Variants in NBEA observed in about 807,000 individuals in gnomAD.
NBEA encodes neurobeachin.
Under a neutral mutation model 343.4 loss-of-function variants are expected in NBEA, and 44 were observed. The ratio of observed to expected loss-of-function variants is 0.13; its 90% confidence interval spans 0.10 to 0.16. The LOEUF (loss-of-function observed/expected upper bound fraction) is 0.16. Among genes scored for constraint, NBEA ranks in the 10% least tolerant of loss-of-function variants. The probability of loss-of-function intolerance (pLI) is 1.00; values close to 1 mark genes in which losing one functional copy is unlikely to be tolerated. For missense variants in NBEA, 2,555 were observed against 3,631.3 expected, an observed-to-expected ratio of 0.70 and a Z score of 7.62; for synonymous variants, 1,175 against 1,238.7, an observed-to-expected ratio of 0.95 and a Z score of 1.08.
chr13:35,276,812 T>C (rs1167141100), intron 34 of NBEA, among the ~76,000 whole-genome samples: 2 of 152,238 alleles, frequency 1.3e-5, no homozygotes, highest in African/African-American at 4.8e-5. Context: ...GTTTATTTAG[T>C]AGCTGATGGC....
intron 39 of NBEA, among the ~76,000 whole-genome samples, chr13:35,445,986 G>A (rs1380699818): frequency 2.0e-5 from 3 of 150,554 alleles, no homozygotes; most frequent in African/African-American, 7.3e-5. Context: ...CCCACAACAG[G>A]CCCCAGTGTG....
intron 10 of NBEA, among the ~76,000 whole-genome samples, chr13:35,073,533 A>G (rs531360472): frequency 2.6e-5 from 4 of 152,322 alleles, no homozygotes; most frequent in African/African-American, 7.2e-5. Flanking sequence ...TCTACTAAGT[A>G]GTACCTTTTA....
intron 10 of NBEA, among the ~76,000 whole-genome samples, chr13:35,079,401 A>C (rs910206036): frequency 6.6e-6 from 1 of 152,210 alleles, no homozygotes; most frequent in Non-Finnish European, 1.5e-5. Flanking sequence ...AACTGTTAAT[A>C]TAAAGTAACA....
At chr13:35,569,704 ACT>A in intron 45 of NBEA, among the ~76,000 whole-genome samples, 1 of 152,102 alleles carries the variant, frequency 6.6e-6, no homozygotes, top group East Asian at 1.9e-4. Flanking sequence ...CAAAATGAAA[ACT>A]CAGATAGTTA....
chr13:35,125,851 TAC>T (rs763214851), intron 17 of NBEA, among the ~76,000 whole-genome samples: 11 of 151,992 alleles, frequency 7.2e-5, no homozygotes, highest in Non-Finnish European at 1.6e-4. Context: ...CATACATACA[TAC>T]ATACATAGCT....
chr13:35,526,898 C>T (rs968800314), intron 41 of NBEA, among the ~76,000 whole-genome samples: 3 of 152,034 alleles, frequency 2.0e-5, no homozygotes, highest in African/African-American at 7.2e-5. Flanking sequence ...TGATGGGCAC[C>T]GGGAAATGCA....
intron 33 of NBEA, among the ~76,000 whole-genome samples, chr13:35,229,212 G>A (rs1443690823): frequency 3.3e-5 from 5 of 151,808 alleles, no homozygotes; most frequent in Non-Finnish European, 7.4e-5. Context: ...TTAATTTTTT[G>A]GTAGAGACAG....
intron 36 of NBEA, among the ~76,000 whole-genome samples, chr13:35,341,901 A>G (rs2039606375): frequency 6.6e-6 from 1 of 152,096 alleles, no homozygotes; most frequent in Admixed American, 6.6e-5. Flanking sequence ...TTGAAAACAT[A>G]TGTTCACAAA....
intron 10 of NBEA, among the ~76,000 whole-genome samples, chr13:35,083,830 C>T (rs1041690348): frequency 1.1e-4 from 16 of 151,970 alleles, no homozygotes; most frequent in Non-Finnish European, 2.1e-4. Flanking sequence ...TTCAGGAAAC[C>T]CATCTCATGT....
chr13:35,476,641 G>A lies in NBEA; in HGVS notation c.6585+4105G>A, dbSNP rs1006867182. The A allele has an allele frequency of 5.9e-6, 3 of 507,172 alleles. No individual in the cohort carries two copies. In the South Asian group the frequency reaches 7.5e-5, roughly 13 times the overall value. The allele number at this position is 507,172 out of a possible 1,614,324, so 31.4% of individuals were successfully genotyped here. The stretch of plus-strand genomic sequence containing the variant: ...AAAAGTGTGCTGAGTGTGTGTCCGG[G>A]GTGAGTGTGCGTGTGTATATGTCAG... On this transcript the variant is annotated intron_variant, in intron 41 of 58. Transcript: ENST00000379939.
intron 34 of NBEA, among the ~76,000 whole-genome samples, chr13:35,271,013 A>G (rs1265901169): frequency 6.6e-6 from 1 of 152,186 alleles, no homozygotes; most frequent in African/African-American, 2.4e-5. Flanking sequence ...CCAGCATGGC[A>G]TTTGAGCTCC....
intron 1 of NBEA, among the ~76,000 whole-genome samples, chr13:35,034,256 T>G (rs766389105): frequency 6.6e-6 from 1 of 152,000 alleles, no homozygotes; most frequent in Non-Finnish European, 1.5e-5. Context: ...TTCTTTAACA[T>G]CAGTTGAAAT....
chr13:35,409,458 T>C (rs1050107852), intron 38 of NBEA, among the ~76,000 whole-genome samples: 1 of 152,076 alleles, frequency 6.6e-6, no homozygotes. Context: ...AGTTTACCTA[T>C]GTAACAAACC....
rs115034509 is a variant in NBEA, at chr13:34,944,333, A to G, written c.294+1219A>G. ...GGAAAACTGAGAGAAAGCTGCAGCT[A>G]CATCAGTGGTGTCCTGAGACATGCA... is the stretch of plus-strand genomic sequence containing the variant. On this transcript the variant is annotated intron_variant, in intron 1 of 58. Transcript: ENST00000379939. Among the ~76,000 whole-genome samples, 767 of 152,354 alleles carry G rather than the reference A, an allele frequency of 5.0e-3. 8 individuals carry two copies. The highest frequency in any genetic ancestry group is 0.017 in the African/African-American group (724 of 41,592).
At chr13:35,171,891 T>C (rs2070489140) in intron 26 of NBEA, among the ~76,000 whole-genome samples, 1 of 152,046 alleles carries the variant, frequency 6.6e-6, no homozygotes, top group Non-Finnish European at 1.5e-5. Context: ...TTTCTTGGGG[T>C]GAACAAATGT....
At chr13:35,439,918 T>C (rs916505206) in intron 39 of NBEA, among the ~76,000 whole-genome samples, 2 of 152,206 alleles carry the variant, frequency 1.3e-5, no homozygotes, top group African/African-American at 4.8e-5. Flanking sequence ...TCACTCTTGT[T>C]GCCCAGGCTG....
chr13:35,226,524 A>C (rs879364376), intron 33 of NBEA, among the ~76,000 whole-genome samples: 2 of 152,110 alleles, frequency 1.3e-5, no homozygotes, highest in Non-Finnish European at 2.9e-5. Flanking sequence ...TTTCCTGTCA[A>C]ATATTTAAGA....
chr13:35,207,638 A>G (rs926716843), intron 31 of NBEA, among the ~76,000 whole-genome samples: 1 of 152,158 alleles, frequency 6.6e-6, no homozygotes, highest in Admixed American at 6.5e-5. Context: ...TAACCTTAAC[A>G]CAATGTCAAA....
intron 46 of NBEA, among the ~76,000 whole-genome samples, chr13:35,588,696 A>G (rs928980053): frequency 6.6e-6 from 1 of 152,160 alleles, no homozygotes; most frequent in African/African-American, 2.4e-5. Context: ...TTCTTCAGAT[A>G]TTAATATTAA....
Sources: allele counts gnomAD v4.1 joint callset (sites outside exome capture counted in the v4.1 genomes callset), GRCh38; gene constraint gnomAD v4.1.1; transcripts MANE v1.5; gene names NCBI Gene and HGNC (gene_info 2026-07-23, HGNC 2026-07-21).